TIAM1: variants seen among roughly 807,000 people sequenced by gnomAD.
TIAM1 encodes the protein rho guanine nucleotide exchange factor TIAM1.
Under a neutral mutation model 163.5 loss-of-function variants are expected in TIAM1, and 65 were observed. That is an observed-to-expected ratio of 0.40 (90% CI 0.33 to 0.49). TIAM1 has a LOEUF of 0.49. Among genes scored for constraint, TIAM1 ranks in the 20% least tolerant of loss-of-function variants. The pLI is 0.77. For synonymous variants in TIAM1, 833 were observed against 810.1 expected (o/e 1.03, Z -0.48); for missense variants, 1,789 against 2,044.7 (o/e 0.87, Z 2.41).
At chr21:31,207,607 G>T (rs1411356018) in intron 11 of TIAM1, among the ~76,000 whole-genome samples, 1 of 152,082 alleles carries the variant, frequency 6.6e-6, no homozygotes, top group Non-Finnish European at 1.5e-5. Context: ...ATTACAATAA[G>T]GTGTTTTCCA....
intron 2 of TIAM1, among the ~76,000 whole-genome samples, chr21:31,425,070 G>C (rs951758279): frequency 1.3e-5 from 2 of 149,732 alleles, no homozygotes; most frequent in South Asian, 2.1e-4. Flanking sequence ...AAAAAAAAAA[G>C]AAAACAAAAC....
chr21:31,396,578 TATAATA>T (rs747538797), intron 2 of TIAM1, among the ~76,000 whole-genome samples: 3 of 148,282 alleles, frequency 2.0e-5, no homozygotes, highest in African/African-American at 7.4e-5. Context: ...TTAAAATTAA[TATAATA>T]ATATGAAATA....
At chr21:31,410,075 G>T (rs879380420) in intron 2 of TIAM1, among the ~76,000 whole-genome samples, 2 of 148,264 alleles carry the variant, frequency 1.3e-5, no homozygotes, top group African/African-American at 5.2e-5. Context: ...AGGCAGCACT[G>T]AGGGCGTAGC....
At chr21:31,196,970 C>A (rs1340504018) in intron 12 of TIAM1, among the ~76,000 whole-genome samples, 1 of 152,170 alleles carries the variant, frequency 6.6e-6, no homozygotes, top group Non-Finnish European at 1.5e-5. Flanking sequence ...AAGCCATTAT[C>A]CTACGTGAAT....
intron 13 of TIAM1, among the ~76,000 whole-genome samples, chr21:31,190,624 T>C (rs1171403644): frequency 2.0e-5 from 3 of 152,086 alleles, no homozygotes; most frequent in Non-Finnish European, 4.4e-5. Flanking sequence ...AAAAGGAACA[T>C]TAAGTTGCTG....
At chr21:31,236,209 G>A (rs1195192521) in intron 6 of TIAM1, among the ~76,000 whole-genome samples, 1 of 152,190 alleles carries the variant, frequency 6.6e-6, no homozygotes, top group Non-Finnish European at 1.5e-5. Flanking sequence ...TTGAGATTGG[G>A]CCACCAGAAT....
intron 1 of TIAM1, among the ~76,000 whole-genome samples, chr21:31,515,395 G>A (rs1249856305): frequency 1.3e-5 from 2 of 152,028 alleles, no homozygotes; most frequent in Non-Finnish European, 2.9e-5. Context: ...AGAAGCTTGG[G>A]GTGAACCAGC....
intron 1 of TIAM1, among the ~76,000 whole-genome samples, chr21:31,526,105 C>G (rs1180634364): frequency 6.6e-6 from 1 of 152,138 alleles, no homozygotes; most frequent in Non-Finnish European, 1.5e-5. Context: ...CTGCAGTTCT[C>G]CCTGTCTGGG....
intron 6 of TIAM1, among the ~76,000 whole-genome samples, chr21:31,237,834 T>C (rs186193472): frequency 1.1e-3 from 166 of 152,332 alleles, no homozygotes; most frequent in Non-Finnish European, 2.1e-3. Flanking sequence ...GGGTGAGCTT[T>C]TTGGAATTGT....
chr21:31,416,494 C>T (rs189668067), intron 2 of TIAM1, among the ~76,000 whole-genome samples: 13 of 152,178 alleles, frequency 8.5e-5, no homozygotes, highest in Admixed American at 7.2e-4. Flanking sequence ...CCCCCTGAGT[C>T]CCCAGAATCC....
chr21:31,513,970 G>T (rs187921794), intron 1 of TIAM1, among the ~76,000 whole-genome samples: 37 of 152,268 alleles, frequency 2.4e-4, no homozygotes, highest in Non-Finnish European at 3.2e-4. Context: ...TGGTGCCATC[G>T]CACTCCAGCC....
At chr21:31,339,675 A>C (rs2075958164) in intron 1 of TIAM1, among the ~76,000 whole-genome samples, 1 of 152,170 alleles carries the variant, frequency 6.6e-6, no homozygotes, top group Non-Finnish European at 1.5e-5. Context: ...TGCCCACCAA[A>C]ATCTCATAGT....
chr21:31,293,565 A>G (rs529679860), intron 2 of TIAM1, among the ~76,000 whole-genome samples: 121 of 152,354 alleles, frequency 7.9e-4, no homozygotes, highest in African/African-American at 2.8e-3. Flanking sequence ...GTATTCCCAC[A>G]GAATGTCTAC....
At position 31,307,679 on chromosome 21, in the gene TIAM1, T is replaced by C. The variant is rs780780960; in HGVS notation, c.-188-30771A>G. On this transcript the variant is annotated intron_variant, in intron 2 of 27. Coordinates refer to ENST00000541036, the MANE Select transcript of TIAM1 (RefSeq NM_001353694.2). ...CTCCCCTTTTGCCAGGTCCTGGTTC[T>C]GTCTTCAAGGAGCTCAAGTCTAGCA... 2.6e-5 allele frequency among the ~76,000 whole-genome samples: 4 copies of C among 152,280 alleles called. No individual in the cohort carries two copies. In the South Asian group the frequency reaches 8.3e-4, roughly 32 times the overall value.
chr21:31,416,906 G>C (rs183378547), intron 2 of TIAM1, among the ~76,000 whole-genome samples: 19 of 152,290 alleles, frequency 1.2e-4, no homozygotes, highest in African/African-American at 4.1e-4. Context: ...GTGTGGGACC[G>C]AATCAACAAG....
At chr21:31,156,416 G>A (rs1356167671) in intron 16 of TIAM1, among the ~76,000 whole-genome samples, 1 of 152,152 alleles carries the variant, frequency 6.6e-6, no homozygotes, top group African/African-American at 2.4e-5. Context: ...GTGACTGACT[G>A]GAAAAATTGA....
intron 1 of TIAM1, among the ~76,000 whole-genome samples, chr21:31,484,025 G>A (rs1187899128): frequency 6.6e-6 from 1 of 152,124 alleles, no homozygotes; most frequent in African/African-American, 2.4e-5. Flanking sequence ...CCTCATGTAT[G>A]GGATTAGTGC....
intron 2 of TIAM1, among the ~76,000 whole-genome samples, chr21:31,312,779 G>A (rs1274419951): frequency 3.9e-5 from 6 of 152,104 alleles, no homozygotes; most frequent in Non-Finnish European, 7.3e-5. Context: ...CTCCTTTCCC[G>A]GAGGATTCTG....
chr21:31,268,683 G>A (rs895999283), intron 3 of TIAM1, among the ~76,000 whole-genome samples: 2 of 152,142 alleles, frequency 1.3e-5, no homozygotes, highest in East Asian at 1.9e-4. Flanking sequence ...ATATGTTCAC[G>A]CTTCTCTGGT....
Sources: allele counts gnomAD v4.1 joint callset (sites outside exome capture counted in the v4.1 genomes callset), GRCh38; gene constraint gnomAD v4.1.1; transcripts MANE v1.5; gene names NCBI Gene and HGNC (gene_info 2026-07-23, HGNC 2026-07-21).